Variants in FMNL2 observed in about 807,000 individuals in gnomAD.
FMNL2 encodes formin like 2.
A neutral mutation model predicts 130.2 loss-of-function variants in FMNL2; 51 were observed. The ratio of observed to expected loss-of-function variants is 0.39; its 90% confidence interval spans 0.31 to 0.49. The LOEUF (loss-of-function observed/expected upper bound fraction) is 0.49, where lower values mean the gene tolerates loss of function less well. Among genes scored for constraint, FMNL2 ranks in the 20% least tolerant of loss-of-function variants. The pLI is 0.85. For missense variants in FMNL2, 977 were observed against 1,316.2 expected (o/e 0.74, Z 3.99); for synonymous variants, 465 against 467.1 (o/e 1.00, Z 0.06).
intron 1 of FMNL2, among the ~76,000 whole-genome samples, chr2:152,343,890 C>T (rs1007120221): frequency 3.3e-5 from 5 of 152,120 alleles, no homozygotes; most frequent in Admixed American, 1.3e-4. Context: ...CAGTGGCTCA[C>T]GCCTGTAATC....
chr2:152,479,184 T>G (rs13027356), intron 1 of FMNL2, among the ~76,000 whole-genome samples: 6,571 of 152,194 alleles, frequency 0.043, 476 homozygotes, highest in African/African-American at 0.15. Context: ...AGTTCACTGA[T>G]GTGATCATGG....
At chr2:152,630,016 C>A in intron 20 of FMNL2, 111 bp downstream of exon 20, 1 of 925,580 alleles carries the variant, frequency 1.1e-6, no homozygotes, top group Non-Finnish European at 1.6e-6. Context: ...ATGGGAGGAT[C>A]AACTGGTACT....
At chr2:152,596,187 T>C (rs1697764043) in intron 9 of FMNL2, among the ~76,000 whole-genome samples, 1 of 151,900 alleles carries the variant, frequency 6.6e-6, no homozygotes, top group Non-Finnish European at 1.5e-5. Context: ...GGTCTTGAAC[T>C]CCTGACCTCA....
chr2:152,571,675 G>A (rs941538023), intron 6 of FMNL2, among the ~76,000 whole-genome samples: 2 of 152,200 alleles, frequency 1.3e-5, no homozygotes, highest in Admixed American at 6.5e-5. Flanking sequence ...GGTAAACTAG[G>A]ATGATCAGTG....
At chr2:152,475,058 A>T (rs1176108859) in intron 1 of FMNL2, among the ~76,000 whole-genome samples, 1 of 152,240 alleles carries the variant, frequency 6.6e-6, no homozygotes, top group Non-Finnish European at 1.5e-5. Flanking sequence ...TTGCTTATCT[A>T]TAAAGGAGGA....
chr2:152,402,240 G>A (rs1685746673), intron 1 of FMNL2, among the ~76,000 whole-genome samples: 1 of 152,148 alleles, frequency 6.6e-6, no homozygotes, highest in Admixed American at 6.5e-5. Context: ...GCTAAGCGTT[G>A]TTCTCATCTG....
chr2:152,451,530 C>T (rs1308204467), intron 1 of FMNL2, among the ~76,000 whole-genome samples: 1 of 151,998 alleles, frequency 6.6e-6, no homozygotes, highest in Non-Finnish European at 1.5e-5. Context: ...TTTATGCATA[C>T]TAATTTGTTT....
chr2:152,647,768 T>C, intron 25 of FMNL2, 28 bp from the exon 26 acceptor site: 2 of 1,606,254 alleles, frequency 1.2e-6, no homozygotes, highest in Non-Finnish European at 1.7e-6. Context: ...AGGTTGCTAT[T>C]CTCTCACTGG....
intron 1 of FMNL2, among the ~76,000 whole-genome samples, chr2:152,408,127 A>G (rs926152637): frequency 6.6e-6 from 1 of 152,208 alleles, no homozygotes; most frequent in Non-Finnish European, 1.5e-5. Flanking sequence ...AATAAGGTAC[A>G]TATTTGAAAG....
At chr2:152,358,983 C>T (rs1236029307) in intron 1 of FMNL2, among the ~76,000 whole-genome samples, 2 of 151,764 alleles carry the variant, frequency 1.3e-5, no homozygotes, top group African/African-American at 2.4e-5. Context: ...AAATTCATCC[C>T]CACAGTGTAC....
At chr2:152,588,925 A>T (rs1308118741) in intron 9 of FMNL2, among the ~76,000 whole-genome samples, 2 of 152,078 alleles carry the variant, frequency 1.3e-5, no homozygotes, top group Non-Finnish European at 2.9e-5. Context: ...CTCAGCATGC[A>T]GTTGCTTTGA....
intron 1 of FMNL2, among the ~76,000 whole-genome samples, chr2:152,457,351 T>C (rs927337066): frequency 2.6e-5 from 4 of 152,178 alleles, no homozygotes; most frequent in African/African-American, 9.7e-5. Context: ...ATCATTGTGG[T>C]GATATGGATT....
chr2:152,360,904 G>T (rs16830971), intron 1 of FMNL2, among the ~76,000 whole-genome samples: 2,576 of 152,082 alleles, frequency 0.017, 38 homozygotes, highest in Non-Finnish European at 0.025. Context: ...CTGAAGAAAG[G>T]GTTTACTCTT....
intron 1 of FMNL2, among the ~76,000 whole-genome samples, chr2:152,511,148 G>T (rs1349495948): frequency 6.6e-6 from 1 of 152,136 alleles, no homozygotes; most frequent in Non-Finnish European, 1.5e-5. Context: ...CATAGTAGGT[G>T]TACCATTTTA....
At chr2:152,442,816 T>C (rs1688122501) in intron 1 of FMNL2, among the ~76,000 whole-genome samples, 1 of 152,184 alleles carries the variant, frequency 6.6e-6, no homozygotes. Context: ...AAGCTTTATG[T>C]TGCATCAGAA....
Position 152,542,837 on chromosome 2 carries a change from C to T in FMNL2, c.282+18C>T, listed in dbSNP as rs912817951. 14 of 1,612,278 alleles carry T rather than the reference C, an allele frequency of 8.7e-6. No individual in the cohort carries two copies. In the African/African-American group the frequency reaches 1.6e-4, roughly 18 times the overall value. On this transcript the variant is annotated intron_variant, in intron 3 of 25. Coordinates refer to ENST00000288670, the MANE Select transcript of FMNL2 (RefSeq NM_052905.4). ...CCAGGAAGGTAAGATGGATTTGTTTCCACTCTTTGTTATTGCTTCCTTATT... is the reference window on the plus strand; with the variant it reads ...CCAGGAAGGTAAGATGGATTTGTTTTCACTCTTTGTTATTGCTTCCTTATT...
chr2:152,445,742 C>A (rs1688298820), intron 1 of FMNL2, among the ~76,000 whole-genome samples: 1 of 152,108 alleles, frequency 6.6e-6, no homozygotes, highest in South Asian at 2.1e-4. Context: ...ATGCTGCTAG[C>A]CTGGAGGAAG....
intron 1 of FMNL2, among the ~76,000 whole-genome samples, chr2:152,411,060 C>T (rs1480237567): frequency 6.6e-6 from 1 of 152,224 alleles, no homozygotes; most frequent in Non-Finnish European, 1.5e-5. Flanking sequence ...AAACATCCTC[C>T]TTTCCCTCCT....
intron 1 of FMNL2, among the ~76,000 whole-genome samples, chr2:152,398,233 G>A (rs1381415822): frequency 6.6e-6 from 1 of 152,216 alleles, no homozygotes; most frequent in Non-Finnish European, 1.5e-5. Context: ...TGTCTAGCCT[G>A]TGAATAAGGC....
Sources: allele counts gnomAD v4.1 joint callset (sites outside exome capture counted in the v4.1 genomes callset), GRCh38; gene constraint gnomAD v4.1.1; transcripts MANE v1.5; gene names NCBI Gene and HGNC (gene_info 2026-07-23, HGNC 2026-07-21).